The following WNT7A variants were observed in gnomAD, a reference collection of about 807,000 sequenced individuals.
WNT7A encodes the protein protein Wnt-7a.
Under a neutral mutation model 28.2 loss-of-function variants are expected in WNT7A, and 16 were observed. The observed-to-expected ratio is 0.57, with a 90% CI of 0.38 to 0.86. The LOEUF (loss-of-function observed/expected upper bound fraction) is 0.86. Among genes scored for constraint, WNT7A ranks in the 40% least tolerant of loss-of-function variants. WNT7A has a pLI of 0.00. For missense variants in WNT7A, 411 were observed against 489.7 expected, an observed-to-expected ratio of 0.84 and a Z score of 1.52; for synonymous variants, 190 against 195.9, an observed-to-expected ratio of 0.97 and a Z score of 0.25.
At chr3:13,867,348 A>G (rs1694927611) in intron 2 of WNT7A, among the ~76,000 whole-genome samples, 1 of 152,136 alleles carries the variant, frequency 6.6e-6, no homozygotes, top group Non-Finnish European at 1.5e-5. Context: ...TCTCAAATAC[A>G]TGGCAGACTT....
At position 13,816,905 on chromosome 3, in the gene WNT7A, C is replaced by T. The variant is rs1389985779; in HGVS notation, c.*2039G>A. 6.6e-6 allele frequency: 1 copy of T among 152,392 alleles called. No individual in the cohort carries two copies. The highest frequency in any genetic ancestry group is 1.5e-5 in the Non-Finnish European group (1 of 68,082). 9.4% of individuals were successfully genotyped at this position (152,392 alleles called of 1,614,324 possible). On this transcript the variant is annotated 3_prime_UTR_variant, in exon 4 of 4. Coordinates refer to ENST00000285018, the MANE Select transcript of WNT7A (RefSeq NM_004625.4). Reference sequence around the variant, plus strand: ...TCCCTCCATCCATTCACTCCATGGCCCCTTCACATGCCCACTCCTCCAGAC... The same window carrying T: ...TCCCTCCATCCATTCACTCCATGGCTCCTTCACATGCCCACTCCTCCAGAC...
rs1448224635 is a variant in WNT7A at position 13,818,135 on chromosome 3, GTC to G, written c.*807_*808del. The G allele has an allele frequency of 3.0e-4, 46 of 152,174 alleles. No individual in the cohort carries two copies. Among genetic ancestry groups the G allele is most frequent in the African/African-American group, 1.1e-3 (46 of 41,508 alleles). 9.4% of individuals were successfully genotyped at this position (152,174 alleles called of 1,614,324 possible). On this transcript the variant is annotated 3_prime_UTR_variant, in exon 4 of 4. Coordinates refer to ENST00000285018, the MANE Select transcript of WNT7A (RefSeq NM_004625.4). ...TAAATAAAATATTCATATAAAAATA[GTC>G]TCTTACAAAATATTCTCTCTTATCC...
intron 3 of WNT7A, among the ~76,000 whole-genome samples, chr3:13,827,299 C>T (rs1694210756): frequency 6.6e-6 from 1 of 152,216 alleles, no homozygotes; most frequent in Non-Finnish European, 1.5e-5. Flanking sequence ...GACTCCTGCA[C>T]CAGGTTGGGT....
chr3:13,875,231 G>A, intron 1 of WNT7A, 58 bp from the exon 2 acceptor site: 3 of 1,588,070 alleles, frequency 1.9e-6, no homozygotes, highest in Admixed American at 1.7e-5. Flanking sequence ...CATGGCCTGG[G>A]AACCCTTCGT....
chr3:13,854,498 G>A (rs1049228992), intron 3 of WNT7A, 34 bp downstream of exon 3: 25 of 1,613,470 alleles, frequency 1.5e-5, no homozygotes, highest in South Asian at 7.7e-5. Context: ...GCATCTCCGC[G>A]AGCGCCGCCC....
intron 3 of WNT7A, among the ~76,000 whole-genome samples, chr3:13,842,724 G>T (rs143485116): frequency 8.5e-5 from 13 of 152,204 alleles, no homozygotes; most frequent in African/African-American, 7.2e-5. Flanking sequence ...GGAGACAAAG[G>T]CACCAGCAAG....
intron 2 of WNT7A, among the ~76,000 whole-genome samples, chr3:13,861,502 G>T (rs1559304602): frequency 6.6e-6 from 1 of 152,236 alleles, no homozygotes; most frequent in Non-Finnish European, 1.5e-5. Context: ...ATGCCACTCC[G>T]TGGCAGCTGA....
intron 3 of WNT7A, among the ~76,000 whole-genome samples, chr3:13,837,702 G>A (rs546867192): frequency 6.6e-6 from 1 of 152,272 alleles, no homozygotes; most frequent in African/African-American, 2.4e-5. Flanking sequence ...CACAGGCGAC[G>A]ATGCTCTGGA....
chr3:13,821,542 G>C (rs570592866), intron 3 of WNT7A, among the ~76,000 whole-genome samples: 91 of 152,318 alleles, frequency 6.0e-4, no homozygotes, highest in African/African-American at 2.0e-3. Flanking sequence ...CATAGTGAGT[G>C]GATAAACCAC....
chr3:13,838,774 T>C (rs965434600), intron 3 of WNT7A, among the ~76,000 whole-genome samples: 3 of 152,140 alleles, frequency 2.0e-5, no homozygotes, highest in Non-Finnish European at 2.9e-5. Context: ...TCTGTAGGTA[T>C]GGAGTGGACT....
At chr3:13,844,153 G>A (rs1041094384) in intron 3 of WNT7A, among the ~76,000 whole-genome samples, 1 of 152,208 alleles carries the variant, frequency 6.6e-6, no homozygotes, top group Non-Finnish European at 1.5e-5. Flanking sequence ...GATGAACAGA[G>A]CTTGGGTTGC....
intron 3 of WNT7A, among the ~76,000 whole-genome samples, chr3:13,841,597 C>T (rs1026309986): frequency 1.3e-5 from 2 of 152,178 alleles, no homozygotes; most frequent in African/African-American, 2.4e-5. Flanking sequence ...TGGAGTAAGA[C>T]AAAAGCTGTA....
chr3:13,839,908 G>A (rs2124844160), intron 3 of WNT7A, among the ~76,000 whole-genome samples: 1 of 152,300 alleles, frequency 6.6e-6, no homozygotes, highest in African/African-American at 2.4e-5. Context: ...GAGGGAGCAG[G>A]GCTGGGAACC....
chr3:13,873,323 G>A (rs1377019276), intron 2 of WNT7A, among the ~76,000 whole-genome samples: 1 of 151,878 alleles, frequency 6.6e-6, no homozygotes, highest in Non-Finnish European at 1.5e-5. Flanking sequence ...TGGCCCAAAT[G>A]TCACCTGGTG....
intron 3 of WNT7A, 53 bp downstream of exon 3, chr3:13,854,479 C>A: frequency 6.2e-7 from 1 of 1,612,206 alleles, no homozygotes; most frequent in Non-Finnish European, 8.5e-7. Context: ...ACAAACAAGC[C>A]ATTTTGCAGC....
At chr3:13,873,989 C>T (rs1695064302) in intron 2 of WNT7A, among the ~76,000 whole-genome samples, 1 of 152,130 alleles carries the variant, frequency 6.6e-6, no homozygotes, top group Admixed American at 6.5e-5. Flanking sequence ...ATCTGATTTC[C>T]ATGTAAAAGG....
At chr3:13,852,406 C>T (rs375991275) in intron 3 of WNT7A, among the ~76,000 whole-genome samples, 9 of 152,202 alleles carry the variant, frequency 5.9e-5, no homozygotes, top group South Asian at 2.1e-4. Context: ...CCCTGCCATG[C>T]GTGGAGCCCA....
chr3:13,862,298 G>T (rs1694843193), intron 2 of WNT7A, among the ~76,000 whole-genome samples: 1 of 152,210 alleles, frequency 6.6e-6, no homozygotes, highest in Non-Finnish European at 1.5e-5. Context: ...GGGTACAGAG[G>T]AAATAAACTG....
rs761438329 is a variant in WNT7A, at chr3:13,819,075, T to C, written c.919A>G (p.Met307Val). The C allele has an allele frequency of 4.3e-6, 7 of 1,614,018 alleles. No homozygotes were observed. In the South Asian group the frequency reaches 7.7e-5, roughly 18 times the overall value. ...GTGTTGTAGCCACGCCCACAGCACA[T>C]GAGGTCACAGCCGCTGGCCTGGGGA... Reference protein sequence around the residue: ...TAPQASGCDLMCCGRGYNTHQ... With the variant: ...TAPQASGCDLVCCGRGYNTHQ... Residue 307 changes from methionine (M) to valine (V), a missense_variant, in exon 4 of 4, where the codon ATG becomes GTG. Transcript: ENST00000285018.
Sources: gnomAD v4.1 joint callset for allele counts (sites outside exome capture counted in the v4.1 genomes callset) on GRCh38, gnomAD v4.1.1 for gene constraint, MANE v1.5 for transcripts, NCBI Gene and HGNC (gene_info 2026-07-23, HGNC 2026-07-21) for gene names.